STEAP1B: variants seen among roughly 807,000 people sequenced by gnomAD.
STEAP1B encodes STEAP family member 1B, also known as STEAP family protein MGC87042.
STEAP1B carries 13 observed loss-of-function variants against 27.9 expected under a neutral mutation model. The ratio of observed to expected loss-of-function variants is 0.47; its 90% CI spans 0.30 to 0.74. The LOEUF (loss-of-function observed/expected upper bound fraction) is 0.74, where lower values mean the gene tolerates loss of function less well. STEAP1B is among the 30% of genes least tolerant of loss of function. STEAP1B has a pLI of 0.06. For missense variants in STEAP1B, 250 were observed against 298.7 expected (o/e 0.84, Z 1.20); for synonymous variants, 86 against 107.1 (o/e 0.80, Z 1.22).
intron 4 of STEAP1B, among the ~76,000 whole-genome samples, chr7:22,428,746 T>C (rs1305566652): frequency 6.6e-6 from 1 of 152,062 alleles, no homozygotes; most frequent in African/African-American, 2.4e-5. Context: ...GAGGTTGCAG[T>C]GAGCCACGGC....
Position 22,494,755 on chromosome 7 carries a change from CATT to C in STEAP1B, c.84+14_84+16del. The C allele has an allele frequency of 7.2e-7, 1 of 1,386,312 alleles. No homozygotes were observed. Among genetic ancestry groups the C allele is most frequent in the Non-Finnish European group, 1.0e-6 (1 of 996,260 alleles). The allele number at this position is 1,386,312 out of a possible 1,614,324, so 85.9% of individuals were successfully genotyped here. A position where few individuals can be genotyped will look rare whatever the true frequency, so the allele number is the denominator to read the frequency against. On this transcript the variant is annotated intron_variant, in intron 2 of 4. Transcript: ENST00000678116. ...GATGTAAATTATTATTTATTATTGT[CATT>C]ATTAATATTTTACCAAATAATCGTT...
chr7:22,470,251 T>C (rs1283435298), intron 4 of STEAP1B, among the ~76,000 whole-genome samples: 1 of 152,162 alleles, frequency 6.6e-6, no homozygotes, highest in Admixed American at 6.5e-5. Context: ...ATAAAGGATG[T>C]AGCCGTATCG....
At chr7:22,424,040 A>T (rs1785076138) in intron 4 of STEAP1B, among the ~76,000 whole-genome samples, 1 of 152,150 alleles carries the variant, frequency 6.6e-6, no homozygotes, top group African/African-American at 2.4e-5. Flanking sequence ...AAAAAAGGAA[A>T]AATAATAAAA....
chr7:22,487,571 C>CGG (rs56294985), intron 4 of STEAP1B, among the ~76,000 whole-genome samples: 35,628 of 147,006 alleles, frequency 0.24, 4,470 homozygotes, highest in Middle Eastern at 0.41. Flanking sequence ...ATGGCGGGGG[C>CGG]GGGGGGGTGC....
At chr7:22,472,475 G>C (rs1164350461) in intron 4 of STEAP1B, among the ~76,000 whole-genome samples, 1 of 152,202 alleles carries the variant, frequency 6.6e-6, no homozygotes, top group African/African-American at 2.4e-5. Flanking sequence ...ATTGGCAAGT[G>C]ATGTGTTACC....
At chr7:22,438,411 T>A in intron 4 of STEAP1B, 1 of 1,455,014 alleles carries the variant, frequency 6.9e-7, no homozygotes, top group Non-Finnish European at 9.1e-7. Flanking sequence ...ACTTTGTACT[T>A]CCAGCTTCTA....
intron 4 of STEAP1B, among the ~76,000 whole-genome samples, chr7:22,429,030 AG>A (rs895987669): frequency 5.9e-5 from 9 of 152,210 alleles, no homozygotes; most frequent in South Asian, 2.1e-4. Flanking sequence ...GACAGTATGA[AG>A]GGTAAGCAAG....
At chr7:22,484,223 C>G (rs1409185894) in intron 4 of STEAP1B, among the ~76,000 whole-genome samples, 5 of 152,316 alleles carry the variant, frequency 3.3e-5, no homozygotes, top group African/African-American at 9.6e-5. Context: ...TGGAAGATGC[C>G]ATCTAGGAGA....
chr7:22,474,791 A>G (rs1785942987), intron 4 of STEAP1B, among the ~76,000 whole-genome samples: 1 of 152,152 alleles, frequency 6.6e-6, no homozygotes, highest in African/African-American at 2.4e-5. Flanking sequence ...TAGAGCTCCA[A>G]TCGCCTCTCC....
At chr7:22,435,277 C>T (rs1484044550) in intron 4 of STEAP1B, among the ~76,000 whole-genome samples, 1 of 151,992 alleles carries the variant, frequency 6.6e-6, no homozygotes, top group Non-Finnish European at 1.5e-5. Context: ...CTGTTAGACA[C>T]AGCAGGAAAG....
chr7:22,421,262 A>C (rs576528980), intron 4 of STEAP1B, among the ~76,000 whole-genome samples: 2 of 152,244 alleles, frequency 1.3e-5, no homozygotes, highest in South Asian at 4.1e-4. Context: ...CGGGTGCTGA[A>C]AGGGCTATAA....
chr7:22,421,507 T>C (rs1417640307), intron 4 of STEAP1B, among the ~76,000 whole-genome samples: 3 of 152,214 alleles, frequency 2.0e-5, no homozygotes, highest in Admixed American at 2.0e-4. Context: ...TCATCTATAC[T>C]GTCTGCAAGG....
chr7:22,478,126 C>T (rs1786005376), intron 4 of STEAP1B, among the ~76,000 whole-genome samples: 3 of 152,198 alleles, frequency 2.0e-5, no homozygotes, highest in Admixed American at 2.0e-4. Context: ...CAGGTCCCTG[C>T]TGAGGCACCA....
intron 4 of STEAP1B, among the ~76,000 whole-genome samples, chr7:22,490,293 C>T (rs2128416843): frequency 6.6e-6 from 1 of 152,118 alleles, no homozygotes; most frequent in Middle Eastern, 3.4e-3. Context: ...AATTTTAAAG[C>T]TTTTCTCTAG....
chr7:22,426,609 G>A (rs1189661865), intron 4 of STEAP1B, among the ~76,000 whole-genome samples: 2 of 152,234 alleles, frequency 1.3e-5, no homozygotes, highest in Non-Finnish European at 2.9e-5. Context: ...TGGGGCAGTG[G>A]CTTTGGGTAA....
chr7:22,480,362 CTG>C (rs1445394496), intron 4 of STEAP1B, among the ~76,000 whole-genome samples: 1 of 152,212 alleles, frequency 6.6e-6, no homozygotes, highest in Non-Finnish European at 1.5e-5. Context: ...TATTCTGAGA[CTG>C]TAGTCACAGT....
chr7:22,491,957 A>G lies in STEAP1B; in HGVS notation c.762+608T>C, dbSNP rs550383612. Among the ~76,000 whole-genome samples the G allele has an allele frequency of 4.6e-5, 7 of 152,292 alleles. No individual in the cohort carries two copies. The East Asian group carries it at 1.4e-3, about 29-fold the overall frequency. Reference sequence around the variant, plus strand: ...GTGAAGTAGAATAGAGGATATATGTAGTATTTCTGTTCAGCATCCCCTCTT... The same window carrying G: ...GTGAAGTAGAATAGAGGATATATGTGGTATTTCTGTTCAGCATCCCCTCTT... On this transcript the variant is annotated intron_variant, in intron 4 of 4. Transcript: ENST00000678116.
At chr7:22,467,460 G>A (rs1471762495) in intron 4 of STEAP1B, among the ~76,000 whole-genome samples, 8 of 152,140 alleles carry the variant, frequency 5.3e-5, no homozygotes, top group Non-Finnish European at 8.8e-5. Context: ...ATAAACTTTA[G>A]TTAAATACTG....
intron 4 of STEAP1B, among the ~76,000 whole-genome samples, chr7:22,437,111 G>A (rs1392291354): frequency 2.6e-5 from 4 of 152,160 alleles, no homozygotes; most frequent in Non-Finnish European, 5.9e-5. Context: ...AGCTGACAAG[G>A]TCTAATACCC....
Sources: allele counts gnomAD v4.1 joint callset (sites outside exome capture counted in the v4.1 genomes callset), GRCh38; gene constraint gnomAD v4.1.1; transcripts MANE v1.5; gene names NCBI Gene and HGNC (gene_info 2026-07-23, HGNC 2026-07-21).